The following KLHL23 variants were observed in gnomAD, a reference collection of about 807,000 sequenced individuals.
KLHL23 encodes kelch like family member 23, also known as kelch-like protein 23.
In KLHL23, 33 loss-of-function variants were observed where a neutral mutation model predicts 48.9. The observed-to-expected ratio is 0.67, with a 90% CI of 0.51 to 0.90. The LOEUF (loss-of-function observed/expected upper bound fraction) is 0.90, where lower values mean the gene tolerates loss of function less well. Among genes scored for constraint, KLHL23 ranks in the 40% least tolerant of loss-of-function variants. KLHL23 has a pLI of 0.00. For missense variants in KLHL23, 608 were observed against 669.6 expected (o/e 0.91, Z 1.02); for synonymous variants, 234 against 231.6 (o/e 1.01, Z -0.09).
intron 3 of KLHL23, among the ~76,000 whole-genome samples, chr2:169,743,176 A>G (rs1688716593): frequency 6.6e-6 from 1 of 152,222 alleles, no homozygotes; most frequent in African/African-American, 2.4e-5. Context: ...AGAAAATCCG[A>G]TACATGAAAA....
chr2:169,742,156 T>A (rs1558948428), intron 3 of KLHL23, among the ~76,000 whole-genome samples: 1 of 152,220 alleles, frequency 6.6e-6, no homozygotes, highest in Non-Finnish European at 1.5e-5. Flanking sequence ...TTAGTCTGTT[T>A]CAGTTATGCC....
chr2:169,747,443 C>T (rs575222400), intron 3 of KLHL23, among the ~76,000 whole-genome samples: 1 of 136,948 alleles, frequency 7.3e-6, no homozygotes, highest in Admixed American at 7.9e-5. Context: ...AAGTTGTCTT[C>T]CACTCCTAAA....
In KLHL23 at chr2:169,735,657, C is replaced by A. The variant is rs142156486; in HGVS notation, c.643C>A (p.Arg215=). The change falls in exon 2 of 4, where the codon CGA becomes AGA. Residue 215 remains arginine (R), a synonymous_variant. Coordinates refer to ENST00000392647, the MANE Select transcript of KLHL23 (RefSeq NM_144711.6). This position sits in a 1 kb window ranked among gnomAD's most constrained non-coding sequence, Gnocchi z 4.5. ...GTGGACTGCTCATGATGTAGAAAAT[C>A]GAATTGAATGCCTCTATAATCTACT... is the stretch of plus-strand genomic sequence containing the variant. ...IKWTAHDVEN[R]IECLYNLLSY... is the part of the protein sequence containing the mutation. 4,894 of 1,613,948 alleles carry A rather than the reference C, an allele frequency of 3.0e-3. 18 individuals carry two copies. The highest frequency in any genetic ancestry group is 3.8e-3 in the Non-Finnish European group (4,468 of 1,180,030).
At chr2:169,742,728 C>T (rs1291592445) in intron 3 of KLHL23, among the ~76,000 whole-genome samples, 1 of 152,182 alleles carries the variant, frequency 6.6e-6, no homozygotes, top group Non-Finnish European at 1.5e-5. Flanking sequence ...TCCCTGGCTG[C>T]AAAGACACCA....
In KLHL23 at chr2:169,749,536, T is replaced by A; in HGVS notation, c.1481T>A (p.Met494Lys). 1 of 1,614,036 alleles carries A rather than the reference T, an allele frequency of 6.2e-7. No individual in the cohort carries two copies. The highest frequency in any genetic ancestry group is 2.2e-5 in the East Asian group (1 of 44,868). ...EQNEWREIAP[M>K]MERRMECGAV... ...AATGAATGGAGAGAGATAGCTCCCA[T>A]GATGGAAAGGAGGATGGAGTGCGGT... Residue 494 changes from methionine (M) to lysine (K), a missense_variant, in exon 4 of 4, where the codon ATG becomes AAG. Coordinates refer to ENST00000392647, the MANE Select transcript of KLHL23 (RefSeq NM_144711.6).
At chr2:169,742,560 C>G (rs1026771249) in intron 3 of KLHL23, among the ~76,000 whole-genome samples, 4 of 152,228 alleles carry the variant, frequency 2.6e-5, no homozygotes, top group Non-Finnish European at 5.9e-5. Flanking sequence ...ATCTGTCTCT[C>G]CTTCAGGGAG....
At chr2:169,734,905 T>G in intron 1 of KLHL23, 108 bp from the exon 2 acceptor site, 1 of 1,389,798 alleles carries the variant, frequency 7.2e-7, no homozygotes, top group South Asian at 1.7e-5. Flanking sequence ...GATGCTGAAC[T>G]TAGTCCAGTT....
chr2:169,734,305 C>G (rs1209415303), intron 1 of KLHL23, among the ~76,000 whole-genome samples: 5 of 147,470 alleles, frequency 3.4e-5, no homozygotes, highest in African/African-American at 1.2e-4. Context: ...CGCGGAGCGC[C>G]GGGCAGAGGG....
At chr2:169,743,086 A>G (rs997535034) in intron 3 of KLHL23, among the ~76,000 whole-genome samples, 1 of 152,186 alleles carries the variant, frequency 6.6e-6, no homozygotes, top group Non-Finnish European at 1.5e-5. Context: ...GAACTTCACT[A>G]TTATCTCACC....
In KLHL23 at chr2:169,741,522, T is replaced by C. The variant is rs1204620244; in HGVS notation, c.1351T>C (p.Ser451Pro). The C allele has an allele frequency of 6.2e-7, 1 of 1,613,472 alleles. No homozygotes were observed. The highest frequency in any genetic ancestry group is 1.3e-5 in the African/African-American group (1 of 75,042). The change falls in exon 3 of 4, where the codon TCC becomes CCC. Residue 451 changes from serine to proline, a missense_variant. This residue lies in a region of KLHL23 where 179 missense variants were observed against 169.9 expected (regional missense o/e 1.05). Transcript: ENST00000392647. ...TATCAACGAATGGAGCCTCATCACC[T>C]CCAGTCCACATCCAGGTAACAAAAA... ...SDINEWSLITSSPHPEYGLCS... is the reference protein window; with the variant it reads ...SDINEWSLITPSPHPEYGLCS...
chr2:169,734,469 A>AGGGGGCGC (rs1558944110), intron 1 of KLHL23, among the ~76,000 whole-genome samples: 34 of 151,474 alleles, frequency 2.2e-4, no homozygotes, highest in Non-Finnish European at 4.3e-4. Flanking sequence ...GGAGGGGGCG[A>AGGGGGCGC]GGGCTGCAAG....
At chr2:169,737,989 T>C (rs1688557602) in intron 2 of KLHL23, among the ~76,000 whole-genome samples, 1 of 152,250 alleles carries the variant, frequency 6.6e-6, no homozygotes, top group South Asian at 2.1e-4. Context: ...TGAAAAAAGA[T>C]ATGCTGCGAT....
intron 1 of KLHL23, among the ~76,000 whole-genome samples, chr2:169,734,488 C>G (rs1199195183): frequency 1.3e-5 from 2 of 151,994 alleles, no homozygotes; most frequent in East Asian, 3.9e-4. Context: ...AGGGCTGCGC[C>G]GAGCTGCCTT....
chr2:169,746,379 A>G (rs1286852508), intron 3 of KLHL23, among the ~76,000 whole-genome samples: 1 of 152,232 alleles, frequency 6.6e-6, no homozygotes, highest in Non-Finnish European at 1.5e-5. Context: ...CATATCACTC[A>G]TCTAACACTG....
chr2:169,741,485 C>T lies in KLHL23; in HGVS notation c.1314C>T (p.Ser438=). ...RGSCTYDKVQ[S]YNSDINEWSL... ...GCTGCACCTATGACAAAGTTCAGAG[C>T]TACAATTCCGATATCAACGAATGGA... is the stretch of plus-strand genomic sequence containing the variant. The change falls in exon 3 of 4, where the codon AGC becomes AGT. Residue 438 remains serine (S), a synonymous_variant. Transcript: ENST00000392647. The T allele has an allele frequency of 6.2e-7, 1 of 1,613,980 alleles. No individual in the cohort carries two copies. Among genetic ancestry groups the T allele is most frequent in the Non-Finnish European group, 8.5e-7 (1 of 1,179,918 alleles).
In KLHL23 at chr2:169,750,570, A is replaced by T. The variant is rs1405908809; in HGVS notation, c.*838A>T. 6.6e-6 allele frequency: 1 copy of T among 151,526 alleles called. No homozygotes were observed. The highest frequency in any genetic ancestry group is 1.5e-5 in the Non-Finnish European group (1 of 67,922). 9.4% of individuals were successfully genotyped at this position (151,526 alleles called of 1,614,324 possible). On this transcript the variant is annotated 3_prime_UTR_variant, in exon 4 of 4. Coordinates refer to ENST00000392647, the MANE Select transcript of KLHL23 (RefSeq NM_144711.6). ...AAAATCAACCCTTAACACTTTTTTC[A>T]CCTTCAGAATTATTTAGAATGTGGA... is the stretch of plus-strand genomic sequence containing the variant.
intron 2 of KLHL23, among the ~76,000 whole-genome samples, chr2:169,740,634 G>C (rs1358210125): frequency 1.3e-5 from 2 of 150,758 alleles, no homozygotes; most frequent in Non-Finnish European, 3.0e-5. Context: ...ATTTTTAGTA[G>C]AGACGGGGTT....
chr2:169,738,163 T>C (rs1320294112), intron 2 of KLHL23, among the ~76,000 whole-genome samples: 1 of 152,234 alleles, frequency 6.6e-6, no homozygotes, highest in Non-Finnish European at 1.5e-5. Context: ...TATCTAGTCA[T>C]CCCAGGGAGA....
In KLHL23 at chr2:169,735,770, C is replaced by A. The variant is rs756096211; in HGVS notation, c.756C>A (p.Ile252=). 7 of 1,613,956 alleles carry A rather than the reference C, an allele frequency of 4.3e-6. No individual in the cohort carries two copies. In the African/African-American group the frequency reaches 9.3e-5, roughly 22 times the overall value. The change falls in exon 2 of 4, where the codon ATC becomes ATA. Residue 252 remains isoleucine, a synonymous_variant. Coordinates refer to ENST00000392647, the MANE Select transcript of KLHL23 (RefSeq NM_144711.6). The surrounding 1 kb of genome is among the most constrained non-coding windows in gnomAD (Gnocchi z 4.5). ...QRSCLLTENK[I]RSLIYNALNP... is the part of the protein sequence containing the mutation. ...GCTGCCTGCTCACCGAAAATAAGAT[C>A]CGCTCCCTAATATACAATGCCTTGA...
Sources: gnomAD v4.1 joint callset for allele counts (sites outside exome capture counted in the v4.1 genomes callset) on GRCh38, gnomAD v4.1.1 for gene constraint, gnomAD v4.1.1 regional missense constraint, Gnocchi (gnomAD v3.1) non-coding constraint, MANE v1.5 for transcripts, NCBI Gene and HGNC (gene_info 2026-07-23, HGNC 2026-07-21) for gene names.